VSIG1: variants seen among roughly 807,000 people sequenced by gnomAD.
VSIG1 encodes V-set and immunoglobulin domain-containing protein 1.
VSIG1 carries 11 observed loss-of-function variants against 20.1 expected under a neutral mutation model. The ratio of observed to expected loss-of-function variants is 0.55; its 90% CI spans 0.34 to 0.91. VSIG1 has a LOEUF of 0.91. Among genes scored for constraint, VSIG1 ranks in the 40% least tolerant of loss-of-function variants. The probability of loss-of-function intolerance (pLI) is 0.02; values close to 1 mark genes in which losing one functional copy is unlikely to be tolerated. For missense variants in VSIG1, 283 were observed against 298.8 expected, an observed-to-expected ratio of 0.95 and a Z score of 0.39; for synonymous variants, 126 against 116.7, an observed-to-expected ratio of 1.08 and a Z score of -0.52.
rs1555981402 is a variant in VSIG1, at chrX:108,058,010, A to G, written c.50-28A>G. The G allele has an allele frequency of 2.5e-6, 3 of 1,186,641 alleles. No individual in the cohort carries two copies. In the South Asian group the frequency reaches 5.6e-5, roughly 22 times the overall value. On this transcript the variant is annotated intron_variant, in intron 1 of 6. Transcript: ENST00000217957. Reference sequence around the variant, plus strand: ...TGTTATCAGAATTTGAGTATGTACTATTGATTTTTTTATGATTATCTTTTC... The same window carrying G: ...TGTTATCAGAATTTGAGTATGTACTGTTGATTTTTTTATGATTATCTTTTC...
the VSIG1 span, among the ~76,000 whole-genome samples, chrX:108,037,915 T>C: frequency 1.8e-5 from 2 of 111,365 alleles, no homozygotes; most frequent in Non-Finnish European, 3.8e-5. Context: ...AGCAGGTGGA[T>C]TGGGAGGGCT....
intron 1 of VSIG1, among the ~76,000 whole-genome samples, chrX:108,056,873 C>T (rs190617497): frequency 8.9e-6 from 1 of 111,985 alleles, no homozygotes; most frequent in Non-Finnish European, 1.9e-5. Context: ...GCGTATGATC[C>T]AGCAATTGCA....
In VSIG1 at chrX:108,061,479, T is replaced by C. The variant is rs749501270; in HGVS notation, c.213+3278T>C. ...TATGGAGGAAAAGGCAGTCAGTCAGTGTCTAAAAATGACGCACGCAAGAGA... is the reference window on the plus strand; with the variant it reads ...TATGGAGGAAAAGGCAGTCAGTCAGCGTCTAAAAATGACGCACGCAAGAGA... On this transcript the variant is annotated intron_variant, in intron 2 of 6. Transcript: ENST00000217957. 11 of 1,165,158 alleles carry C rather than the reference T, an allele frequency of 9.4e-6. No individual in the cohort carries two copies. The highest frequency in any genetic ancestry group is 1.3e-5 in the Non-Finnish European group (11 of 872,204).
intron 3 of VSIG1, among the ~76,000 whole-genome samples, chrX:108,068,563 G>A (rs1321588837): frequency 3.6e-5 from 4 of 111,604 alleles, no homozygotes; most frequent in Non-Finnish European, 7.5e-5. Flanking sequence ...GGCTGGAACA[G>A]GAGGAAGGGG....
chrX:108,045,273 C>A, intron 1 of VSIG1, 94 bp downstream of exon 1: 1 of 707,653 alleles, frequency 1.4e-6, no homozygotes. Flanking sequence ...TTTTCATCTC[C>A]TGTACTTCAA....
At chrX:108,047,941 TATATATATATATACAC>T (rs2030667413) in intron 1 of VSIG1, among the ~76,000 whole-genome samples, 3 of 26,432 alleles carry the variant, frequency 1.1e-4, no homozygotes, top group African/African-American at 7.2e-4. Context: ...TATACACATA[TATATATATATATACAC>T]ACACATATAT....
the VSIG1 span, among the ~76,000 whole-genome samples, chrX:108,034,591 G>A: frequency 1.8e-5 from 2 of 112,389 alleles, no homozygotes; most frequent in African/African-American, 6.5e-5. Flanking sequence ...CCACATTTCA[G>A]TGTTGGGAAT....
chrX:108,053,956 C>T (rs1009153567), intron 1 of VSIG1, among the ~76,000 whole-genome samples: 1 of 111,289 alleles, frequency 9.0e-6, no homozygotes, highest in African/African-American at 3.3e-5. Flanking sequence ...TTCAGGCATC[C>T]ACTGGGGGTC....
At chrX:108,073,637 TA>T in intron 5 of VSIG1, 1 of 250,456 alleles carries the variant, frequency 4.0e-6, no homozygotes, top group Non-Finnish European at 7.0e-6. Flanking sequence ...TATTCAATAC[TA>T]AAAAAGAAGC....
At position 108,061,407 on chromosome X, in the gene VSIG1, C is replaced by T. The variant is rs2031019292; in HGVS notation, c.213+3206C>T. 2.6e-6 allele frequency: 3 copies of T among 1,138,434 alleles called. No homozygotes were observed. In the African/African-American group the frequency reaches 5.5e-5, roughly 21 times the overall value. 93.8% of individuals were successfully genotyped at this position (1,138,434 alleles called of 1,213,427 possible). On this transcript the variant is annotated intron_variant, in intron 2 of 6. Transcript: ENST00000217957. Reference sequence around the variant, plus strand: ...GTATAGCATTCAGCTCTCAGATCCACCCATTTCTGCTCAAACACAGCACAG... The same window carrying T: ...GTATAGCATTCAGCTCTCAGATCCATCCATTTCTGCTCAAACACAGCACAG...
At position 108,077,573 on chromosome X, in the gene VSIG1, C is replaced by A. The variant is rs2031377190; in HGVS notation, c.*192C>A. ...TAAATCAGCAAGGGTTCCTGTATTACCAATATAGAATACTAACAATTTTAC... is the reference window on the plus strand; with the variant it reads ...TAAATCAGCAAGGGTTCCTGTATTAACAATATAGAATACTAACAATTTTAC... On this transcript the variant is annotated 3_prime_UTR_variant, in exon 7 of 7. Transcript: ENST00000217957. The A allele has an allele frequency of 4.5e-6, 2 of 442,447 alleles. No individual in the cohort carries two copies. The highest frequency in any genetic ancestry group is 7.5e-6 in the Non-Finnish European group (2 of 267,793). The allele number at this position is 442,447 out of a possible 1,213,427, so 36.5% of individuals were successfully genotyped here. A position where few individuals can be genotyped will look rare whatever the true frequency, so the allele number is the denominator to read the frequency against.
the VSIG1 span, among the ~76,000 whole-genome samples, chrX:108,027,116 T>C: frequency 5.4e-5 from 6 of 111,450 alleles, no homozygotes; most frequent in Admixed American, 2.9e-4. Context: ...AGTTTGGCAG[T>C]TCCTCAAGCA....
At chrX:108,059,991 A>T (rs1218275506) in intron 2 of VSIG1, among the ~76,000 whole-genome samples, 1 of 111,612 alleles carries the variant, frequency 9.0e-6, no homozygotes, top group Non-Finnish European at 1.9e-5. Context: ...CTCTTGGTTG[A>T]ACTGTGTGTC....
In VSIG1 at chrX:108,077,408, C is replaced by T. The variant is rs1173790108; in HGVS notation, c.*27C>T. 2 of 1,172,416 alleles carry T rather than the reference C, an allele frequency of 1.7e-6. No homozygotes were observed. The highest frequency in any genetic ancestry group is 2.3e-6 in the Non-Finnish European group (2 of 872,903). ...CTGGTGGCCTAAGTACAGCATTAAT[C>T]ATTAAGGAACCCATTACTGCCATTT... is the stretch of plus-strand genomic sequence containing the variant. On this transcript the variant is annotated 3_prime_UTR_variant, in exon 7 of 7. Transcript: ENST00000217957.
At chrX:108,074,056 T>A (rs767638223) in intron 5 of VSIG1, among the ~76,000 whole-genome samples, 1 of 112,069 alleles carries the variant, frequency 8.9e-6, no homozygotes, top group Non-Finnish European at 1.9e-5. Flanking sequence ...AATTGTCCAA[T>A]TGAGCTGACC....
chrX:108,032,179 G>A, the VSIG1 span, among the ~76,000 whole-genome samples: 20 of 112,256 alleles, frequency 1.8e-4, no homozygotes, highest in Non-Finnish European at 2.4e-4. Context: ...CTGCTGTATC[G>A]TCATTTCATG....
chrX:108,041,267 C>T (rs1021394342), upstream of VSIG1, among the ~76,000 whole-genome samples: 20 of 110,288 alleles, frequency 1.8e-4, no homozygotes, highest in African/African-American at 6.6e-4. Flanking sequence ...TGTAGGTATA[C>T]CTGACTTATT....
At chrX:108,037,050 C>A in the VSIG1 span, among the ~76,000 whole-genome samples, 2 of 111,487 alleles carry the variant, frequency 1.8e-5, no homozygotes, top group Non-Finnish European at 3.8e-5. Flanking sequence ...CCAGGGGGAT[C>A]TTTAAGAGGA....
intron 1 of VSIG1, among the ~76,000 whole-genome samples, chrX:108,045,449 A>G (rs1429793161): frequency 2.7e-5 from 3 of 112,581 alleles, no homozygotes; most frequent in Non-Finnish European, 5.6e-5. Flanking sequence ...ACTTACTTTG[A>G]AAAGTGAAAA....
Sources: allele counts gnomAD v4.1 joint callset (sites outside exome capture counted in the v4.1 genomes callset), GRCh38; gene constraint gnomAD v4.1.1; transcripts MANE v1.5; gene names NCBI Gene and HGNC (gene_info 2026-07-23, HGNC 2026-07-21).